The following JADE2 variants were observed in gnomAD, a reference collection of about 807,000 sequenced individuals.
The protein encoded by JADE2 is jade family PHD finger 2.
In JADE2, 13 loss-of-function variants were observed where a neutral mutation model predicts 85.7. The observed-to-expected ratio is 0.15, with a 90% CI of 0.10 to 0.24. JADE2 has a LOEUF of 0.24. Ranked by LOEUF, JADE2 falls within the 10% of genes least tolerant of loss-of-function variation. JADE2 has a pLI of 1.00. For synonymous variants in JADE2, 440 were observed against 456.1 expected (o/e 0.96, Z 0.45); for missense variants, 846 against 1,115.9 (o/e 0.76, Z 3.45).
chr5:134,568,912 G>A (rs924451961), intron 9 of JADE2, among the ~76,000 whole-genome samples: 1 of 152,236 alleles, frequency 6.6e-6, no homozygotes, highest in African/African-American at 2.4e-5. Context: ...GCAGCCGGGA[G>A]TATCCAGCCT....
At chr5:134,535,394 T>G (rs1315352333) in intron 1 of JADE2, among the ~76,000 whole-genome samples, 1 of 152,140 alleles carries the variant, frequency 6.6e-6, no homozygotes, top group Non-Finnish European at 1.5e-5. Context: ...CTGTGCTGGC[T>G]TGTCCCTAAC....
At chr5:134,548,438 A>G (rs536758714) in intron 3 of JADE2, among the ~76,000 whole-genome samples, 157 of 152,270 alleles carry the variant, frequency 1.0e-3, no homozygotes, top group African/African-American at 3.6e-3. Flanking sequence ...TGGAGGGGCT[A>G]ATAATAGATT....
At chr5:134,525,408 G>T (rs994612970), upstream of JADE2, among the ~76,000 whole-genome samples, 6 of 151,918 alleles carry the variant, frequency 3.9e-5, no homozygotes, top group South Asian at 6.2e-4. Context: ...GTGCCAGCAG[G>T]CGTGGTGGTG....
Position 134,562,146 on chromosome 5 carries a change from C to A in JADE2, c.685-54C>A, listed in dbSNP as rs1454039097. On this transcript the variant is annotated intron_variant, in intron 6 of 11. Transcript: ENST00000681547. This position sits in a 1 kb window ranked among gnomAD's most constrained non-coding sequence, Gnocchi z 4.6. ...TGGACCAAATGCAGCTGACTGCTGACCAGACACAGATTGGCCAGTTCCGCT... is the reference window on the plus strand; with the variant it reads ...TGGACCAAATGCAGCTGACTGCTGAACAGACACAGATTGGCCAGTTCCGCT... The A allele has an allele frequency of 1.8e-5, 27 of 1,536,418 alleles. No homozygotes were observed. The highest frequency in any genetic ancestry group is 2.3e-5 in the Non-Finnish European group (26 of 1,134,404).
chr5:134,576,384 C>G (rs1216837749), intron 10 of JADE2, among the ~76,000 whole-genome samples: 1 of 152,138 alleles, frequency 6.6e-6, no homozygotes, highest in East Asian at 1.9e-4. Flanking sequence ...AGCCTCTTGA[C>G]CCCTCAGGTA....
Position 134,566,643 on chromosome 5 carries a change from C to T in JADE2, c.1434+63C>T, listed in dbSNP as rs1268941894. The T allele has an allele frequency of 3.3e-6, 4 of 1,212,470 alleles. No individual in the cohort carries two copies. The highest frequency in any genetic ancestry group is 3.0e-5 in the African/African-American group (2 of 66,034). 75.1% of individuals were successfully genotyped at this position (1,212,470 alleles called of 1,614,324 possible). The stretch of plus-strand genomic sequence containing the variant: ...GGGTCCAGGAGTCCTTTCCATGCCA[C>T]ACTCACTGCCCTGGAGCAGCTAGGA... On this transcript the variant is annotated intron_variant, in intron 9 of 11. Transcript: ENST00000681547. The surrounding 1 kb of genome is among the most constrained non-coding windows in gnomAD (Gnocchi z 6.7).
At chr5:134,535,295 T>C in intron 1 of JADE2, among the ~76,000 whole-genome samples, 1 of 152,134 alleles carries the variant, frequency 6.6e-6, no homozygotes, top group Non-Finnish European at 1.5e-5. Context: ...CTGATGTGTC[T>C]CAGGGACCCA....
At chr5:134,558,763 C>T (rs2149966717) in intron 4 of JADE2, among the ~76,000 whole-genome samples, 1 of 152,378 alleles carries the variant, frequency 6.6e-6, no homozygotes, top group East Asian at 1.9e-4. Flanking sequence ...GTCTCGAACT[C>T]CTCATCACAG....
upstream of JADE2, among the ~76,000 whole-genome samples, chr5:134,525,275 TGA>T (rs977599205): frequency 6.6e-6 from 1 of 150,702 alleles, no homozygotes; most frequent in African/African-American, 2.5e-5. Context: ...GGTATGTGTG[TGA>T]GTGTGTGAAG....
chr5:134,526,694 C>G (rs1171198692), intron 1 of JADE2: 1 of 985,450 alleles, frequency 1.0e-6, no homozygotes, highest in East Asian at 1.1e-4. Context: ...TGCTCGGCTC[C>G]TGGGGTTGGA....
chr5:134,541,667 C>T (rs114546562), intron 3 of JADE2, among the ~76,000 whole-genome samples: 2,088 of 151,112 alleles, frequency 0.014, 30 homozygotes, highest in Admixed American at 0.022. Flanking sequence ...CCATGGAACT[C>T]GTGGTTCACT....
At chr5:134,526,640 C>G (rs1345950089) in intron 1 of JADE2, 1 of 985,418 alleles carries the variant, frequency 1.0e-6, no homozygotes, top group Admixed American at 6.1e-5. Flanking sequence ...CTGTCGCCCC[C>G]TCTCCCGGCC....
chr5:134,546,257 C>T (rs978851502), intron 3 of JADE2, among the ~76,000 whole-genome samples: 1 of 152,094 alleles, frequency 6.6e-6, no homozygotes, highest in African/African-American at 2.4e-5. Context: ...CAGCCTCTAC[C>T]TCCTGGGCTC....
In JADE2 at chr5:134,546,154, TTTTGTTTG is replaced by T. The variant is rs35088130; in HGVS notation, c.154-5874_154-5867del. Among the ~76,000 whole-genome samples, 136 of 151,730 alleles carry T rather than the reference TTTTGTTTG, an allele frequency of 9.0e-4. 1 individual carries two copies. Among genetic ancestry groups the T allele is most frequent in the African/African-American group, 2.6e-3 (109 of 41,368 alleles). ...TACACAAGCATTTCGTTTTTTGTTT[TTTTGTTTG>T]TTTGTTTGTTTGTTTGTTTGTTTTG... On this transcript the variant is annotated intron_variant, in intron 3 of 11. Transcript: ENST00000681547.
chr5:134,536,087 G>C (rs973415973), intron 2 of JADE2, among the ~76,000 whole-genome samples, 172 bp downstream of exon 2: 1 of 152,122 alleles, frequency 6.6e-6, no homozygotes, highest in Non-Finnish European at 1.5e-5. Flanking sequence ...TTCTAAAAAA[G>C]TCCCTGCACC....
At chr5:134,530,319 A>G (rs1271362210) in intron 1 of JADE2, among the ~76,000 whole-genome samples, 1 of 152,090 alleles carries the variant, frequency 6.6e-6, no homozygotes, top group African/African-American at 2.4e-5. Context: ...AGACAGGGAG[A>G]GTTTTTGTTT....
chr5:134,555,512 G>T (rs1167058534), intron 4 of JADE2, among the ~76,000 whole-genome samples: 24 of 152,234 alleles, frequency 1.6e-4, no homozygotes. Context: ...GAAGAGGAGA[G>T]ACCCAGGAAG....
chr5:134,564,316 A>C, intron 7 of JADE2, 178 bp from the exon 8 acceptor site: 2 of 527,278 alleles, frequency 3.8e-6, no homozygotes, highest in East Asian at 3.3e-5. Flanking sequence ...GAGAGTGAGG[A>C]GGAATTCCGG....
chr5:134,526,194 G>A (rs1360045785), intron 1 of JADE2, 183 bp downstream of exon 1: 2 of 985,228 alleles, frequency 2.0e-6, no homozygotes, highest in Admixed American at 1.2e-4. Flanking sequence ...CACAGCACAG[G>A]GGAGAGAGAT....
Sources: allele counts gnomAD v4.1 joint callset (sites outside exome capture counted in the v4.1 genomes callset), GRCh38; gene constraint gnomAD v4.1.1; non-coding constraint Gnocchi (gnomAD v3.1); transcripts MANE v1.5; gene names NCBI Gene and HGNC (gene_info 2026-07-23, HGNC 2026-07-21).